DRC8: variants seen among roughly 807,000 people sequenced by gnomAD.
The protein encoded by DRC8 is dynein regulatory complex subunit 8, also known as dynein regulatory complex protein 8.
chr1:245,088,073 TGAATACTGAGTAA>T, the DRC8 span, among the ~76,000 whole-genome samples: 1 of 152,142 alleles, frequency 6.6e-6, no homozygotes, highest in Non-Finnish European at 1.5e-5. This position sits in a 1 kb window ranked among gnomAD's most constrained non-coding sequence, Gnocchi z 4.6. Context: ...AGCATTGTCC[TGAATACTGAGTAA>T]GAATACTGAG....
chr1:245,106,469 A>G, the DRC8 span, among the ~76,000 whole-genome samples: 1 of 152,096 alleles, frequency 6.6e-6, no homozygotes, highest in Non-Finnish European at 1.5e-5. Flanking sequence ...TTAAATAATT[A>G]ACATTTACAA....
At chr1:245,035,198 T>TA in the DRC8 span, among the ~76,000 whole-genome samples, 27 of 132,634 alleles carry the variant, frequency 2.0e-4, no homozygotes, top group East Asian at 4.2e-4. Flanking sequence ...TTTTTTTTTT[T>TA]TAAACAAATT....
At chr1:245,102,543 T>C in the DRC8 span, among the ~76,000 whole-genome samples, 1 of 151,986 alleles carries the variant, frequency 6.6e-6, no homozygotes, top group South Asian at 2.1e-4. Flanking sequence ...AGAGACGGGG[T>C]TTCGCCATGA....
chr1:245,004,036 C>CA, the DRC8 span, among the ~76,000 whole-genome samples: 4 of 151,444 alleles, frequency 2.6e-5, no homozygotes, highest in African/African-American at 9.7e-5. Flanking sequence ...TGGACTAAAT[C>CA]AAACAATATT....
chr1:245,033,670 A>C, the DRC8 span, among the ~76,000 whole-genome samples: 1 of 151,964 alleles, frequency 6.6e-6, no homozygotes, highest in Non-Finnish European at 1.5e-5. Flanking sequence ...TTTATTTTTC[A>C]TATGATTGTC....
chr1:245,051,317 A>T, the DRC8 span, among the ~76,000 whole-genome samples: 1 of 152,172 alleles, frequency 6.6e-6, no homozygotes, highest in East Asian at 1.9e-4. Flanking sequence ...GCTTGAGCCC[A>T]GGAGTTTGAG....
chr1:245,081,104 AT>A, the DRC8 span, among the ~76,000 whole-genome samples: 2 of 149,818 alleles, frequency 1.3e-5, no homozygotes, highest in East Asian at 2.0e-4. Flanking sequence ...AGTGTTCTTT[AT>A]TTTTTTATTT....
At chr1:245,021,736 C>T in the DRC8 span, among the ~76,000 whole-genome samples, 1 of 152,152 alleles carries the variant, frequency 6.6e-6, no homozygotes, top group African/African-American at 2.4e-5. Context: ...GTGCCTGGCC[C>T]CATTTTATGT....
chr1:245,014,330 G>C, the DRC8 span, among the ~76,000 whole-genome samples: 4 of 152,110 alleles, frequency 2.6e-5, no homozygotes, highest in African/African-American at 9.7e-5. Context: ...GTTGAGCAGA[G>C]AACATGAATA....
the DRC8 span, among the ~76,000 whole-genome samples, chr1:244,987,563 A>G: frequency 6.6e-6 from 1 of 152,004 alleles, no homozygotes; most frequent in Admixed American, 6.6e-5. Flanking sequence ...TGTTTATGAA[A>G]AAAGAATTCT....
the DRC8 span, among the ~76,000 whole-genome samples, chr1:244,994,940 T>C: frequency 0.85 from 130,114 of 152,284 alleles, 55,939 homozygotes; most frequent in East Asian, 1. Flanking sequence ...CACTTCTTAG[T>C]GTTTTCTTGC....
At chr1:244,970,721 C>T in the DRC8 span, 1 of 454,796 alleles carries the variant, frequency 2.2e-6, no homozygotes, top group South Asian at 3.1e-5. Context: ...TCCCCTCCTC[C>T]CGCCTTCTTC....
chr1:245,003,788 G>C, the DRC8 span, among the ~76,000 whole-genome samples: 217 of 152,002 alleles, frequency 1.4e-3, no homozygotes, highest in Non-Finnish European at 2.4e-3. Context: ...CTTTTTTGTA[G>C]AGACAGGATC....
At chr1:245,119,956 ATAAG>A in the DRC8 span, among the ~76,000 whole-genome samples, 18 of 1,828 alleles carry the variant, frequency 9.8e-3, no homozygotes, top group East Asian at 0.038. Flanking sequence ...AAATAAGTAA[ATAAG>A]TAAATAAATA....
chr1:245,034,511 G>T, the DRC8 span, among the ~76,000 whole-genome samples: 239 of 138,016 alleles, frequency 1.7e-3, 1 homozygote, highest in African/African-American at 6.2e-3. Context: ...TGAGGCAGGA[G>T]AATTGCTTGA....
chr1:245,022,190 G>C, the DRC8 span, among the ~76,000 whole-genome samples: 2 of 150,160 alleles, frequency 1.3e-5, no homozygotes, highest in Non-Finnish European at 2.9e-5. Flanking sequence ...CTATTGCCCA[G>C]GCAGGAGCGC....
chr1:245,067,674 A>T, the DRC8 span, among the ~76,000 whole-genome samples: 1 of 152,144 alleles, frequency 6.6e-6, no homozygotes, highest in Non-Finnish European at 1.5e-5. Flanking sequence ...GTAGAACAAG[A>T]TCCACGTAAT....
the DRC8 span, chr1:245,087,257 C>G: frequency 1.2e-6 from 2 of 1,604,496 alleles, no homozygotes; most frequent in African/African-American, 1.3e-5. Flanking sequence ...GAGCCTTTTT[C>G]TCAAGAGGAA....
At chr1:245,098,131 G>A in the DRC8 span, among the ~76,000 whole-genome samples, 1 of 152,184 alleles carries the variant, frequency 6.6e-6, no homozygotes, top group Non-Finnish European at 1.5e-5. Flanking sequence ...GGATTTCCCA[G>A]TGGATGGGAT....
Sources: allele counts gnomAD v4.1 joint callset (sites outside exome capture counted in the v4.1 genomes callset), GRCh38; gene constraint gnomAD v4.1.1; non-coding constraint Gnocchi (gnomAD v3.1); transcripts MANE v1.5; gene names NCBI Gene and HGNC (gene_info 2026-07-23, HGNC 2026-07-21).